The following PCDH9 variants were observed in gnomAD, a reference collection of about 807,000 sequenced individuals.
PCDH9 encodes the protein protocadherin-9.
PCDH9 carries 24 observed loss-of-function variants against 70.6 expected under a neutral mutation model. That is an observed-to-expected ratio of 0.34 (90% CI 0.25 to 0.48). The LOEUF (loss-of-function observed/expected upper bound fraction) is 0.48, where lower values mean the gene tolerates loss of function less well. PCDH9 is among the 20% of genes least tolerant of loss of function. PCDH9 has a pLI of 0.99. For missense variants in PCDH9, 1,281 were observed against 1,503.6 expected, an observed-to-expected ratio of 0.85 and a Z score of 2.45; for synonymous variants, 562 against 558.5, an observed-to-expected ratio of 1.01 and a Z score of -0.09.
At chr13:66,724,128 G>A (rs1374123216) in intron 3 of PCDH9, among the ~76,000 whole-genome samples, 1 of 152,150 alleles carries the variant, frequency 6.6e-6, no homozygotes, top group Non-Finnish European at 1.5e-5. Flanking sequence ...AAAATTTACT[G>A]ATTCTTTCCA....
intron 4 of PCDH9, among the ~76,000 whole-genome samples, chr13:66,530,651 T>A (rs912687078): frequency 1.3e-5 from 2 of 152,038 alleles, no homozygotes; most frequent in South Asian, 4.2e-4. Flanking sequence ...TATCTGTTGA[T>A]CCAATGAAAA....
At chr13:67,074,034 A>G (rs1594473867) in intron 2 of PCDH9, among the ~76,000 whole-genome samples, 1 of 103,398 alleles carries the variant, frequency 9.7e-6, no homozygotes, top group African/African-American at 3.8e-5. Flanking sequence ...ATGAAATTCT[A>G]TCTATCTATC....
At chr13:67,096,514 A>C (rs1160318735) in intron 2 of PCDH9, among the ~76,000 whole-genome samples, 1 of 152,142 alleles carries the variant, frequency 6.6e-6, no homozygotes, top group Admixed American at 6.5e-5. Flanking sequence ...AACACAACAA[A>C]AATCTTCAGC....
intron 4 of PCDH9, among the ~76,000 whole-genome samples, chr13:66,369,273 T>C (rs1352866583): frequency 6.6e-6 from 1 of 152,150 alleles, no homozygotes; most frequent in East Asian, 1.9e-4. Flanking sequence ...TACTTGCTAA[T>C]TCACTTTATT....
intron 2 of PCDH9, among the ~76,000 whole-genome samples, chr13:67,102,151 G>A (rs1566425937): frequency 6.6e-6 from 1 of 152,078 alleles, no homozygotes; most frequent in Admixed American, 6.6e-5. Context: ...AGTTAAAGTG[G>A]ATCAAAGGTG....
chr13:66,542,394 C>T (rs943789152), intron 4 of PCDH9, among the ~76,000 whole-genome samples: 39 of 151,910 alleles, frequency 2.6e-4, no homozygotes, highest in African/African-American at 3.1e-4. Context: ...ATCTATAATT[C>T]GTTGAATTTA....
intron 2 of PCDH9, among the ~76,000 whole-genome samples, chr13:67,196,778 T>G (rs759871557): frequency 6.6e-6 from 1 of 152,034 alleles, no homozygotes; most frequent in Non-Finnish European, 1.5e-5. Flanking sequence ...CCCAAAATCC[T>G]ACCTAAGCCA....
At chr13:66,411,006 A>G (rs953144322) in intron 4 of PCDH9, among the ~76,000 whole-genome samples, 1 of 152,220 alleles carries the variant, frequency 6.6e-6, no homozygotes, top group Non-Finnish European at 1.5e-5. Flanking sequence ...ATTCCTCATA[A>G]TGGTAACAGG....
At chr13:66,690,771 C>T (rs759069311) in intron 3 of PCDH9, among the ~76,000 whole-genome samples, 1 of 152,002 alleles carries the variant, frequency 6.6e-6, no homozygotes, top group Non-Finnish European at 1.5e-5. Flanking sequence ...GAATTCTTTC[C>T]ACAGGAAAAC....
At chr13:67,084,320 G>C (rs2086049431) in intron 2 of PCDH9, among the ~76,000 whole-genome samples, 1 of 152,088 alleles carries the variant, frequency 6.6e-6, no homozygotes, top group Non-Finnish European at 1.5e-5. Flanking sequence ...TCTTCCTAGG[G>C]AGCCTAGAGA....
At chr13:66,776,306 G>A (rs1274163385) in intron 3 of PCDH9, among the ~76,000 whole-genome samples, 1 of 150,410 alleles carries the variant, frequency 6.6e-6, no homozygotes, top group African/African-American at 2.5e-5. Context: ...AGGAAATAAA[G>A]GGTATTCAAT....
intron 2 of PCDH9, among the ~76,000 whole-genome samples, chr13:66,910,991 G>C (rs1417726047): frequency 6.6e-5 from 10 of 152,324 alleles, no homozygotes; most frequent in African/African-American, 2.4e-4. Flanking sequence ...GATAGCAATA[G>C]AGTTATATTC....
chr13:66,658,895 T>C (rs1388016166), intron 3 of PCDH9, among the ~76,000 whole-genome samples: 2 of 152,172 alleles, frequency 1.3e-5, no homozygotes, highest in Admixed American at 1.3e-4. Context: ...TATATCATAT[T>C]CATCAAATTA....
At chr13:66,475,179 T>A (rs78259726) in intron 4 of PCDH9, among the ~76,000 whole-genome samples, 328 of 152,144 alleles carry the variant, frequency 2.2e-3, no homozygotes, top group African/African-American at 7.7e-3. Flanking sequence ...AGGAAAGCAT[T>A]TGTTGTTGGT....
At chr13:66,571,394 C>T (rs2076730816) in intron 4 of PCDH9, among the ~76,000 whole-genome samples, 1 of 151,960 alleles carries the variant, frequency 6.6e-6, no homozygotes, top group Non-Finnish European at 1.5e-5. Flanking sequence ...ATGATTCACT[C>T]ACCTAATTGT....
At chr13:66,838,372 T>TA (rs1594128871) in intron 3 of PCDH9, among the ~76,000 whole-genome samples, 9 of 151,856 alleles carry the variant, frequency 5.9e-5, no homozygotes, top group South Asian at 4.2e-4. Flanking sequence ...AATTCTTTTT[T>TA]TAAAAAAAAA....
intron 3 of PCDH9, among the ~76,000 whole-genome samples, chr13:66,738,810 G>A (rs532618921): frequency 2.6e-5 from 4 of 151,986 alleles, no homozygotes; most frequent in African/African-American, 7.3e-5. Flanking sequence ...AAAAAGAAAT[G>A]AGCAAAGCCT....
chr13:67,202,541 A>G (rs944363345), intron 2 of PCDH9: 5 of 152,262 alleles, frequency 3.3e-5, no homozygotes, highest in Non-Finnish European at 5.9e-5. Context: ...CATGTCAAGC[A>G]CCCAGTCAAT....
chr13:66,522,851 T>C (rs1052406110), intron 4 of PCDH9, among the ~76,000 whole-genome samples: 4 of 152,076 alleles, frequency 2.6e-5, no homozygotes, highest in African/African-American at 9.7e-5. Flanking sequence ...AGAAAAAATG[T>C]ATGCTTTTTG....
Sources: gnomAD v4.1 joint callset for allele counts (sites outside exome capture counted in the v4.1 genomes callset) on GRCh38, gnomAD v4.1.1 for gene constraint, MANE v1.5 for transcripts, NCBI Gene and HGNC (gene_info 2026-07-23, HGNC 2026-07-21) for gene names.